ADGRF1: variants seen among roughly 807,000 people sequenced by gnomAD.
ADGRF1 encodes G protein-coupled receptor 110.
A neutral mutation model predicts 87.2 loss-of-function variants in ADGRF1; 85 were observed. That is an observed-to-expected ratio of 0.97 (90% confidence interval 0.82 to 1.17). The LOEUF (loss-of-function observed/expected upper bound fraction) is 1.17, where lower values mean the gene tolerates loss of function less well. Among genes scored for constraint, ADGRF1 ranks in the 50% most tolerant of loss-of-function variants. The pLI, the probability that ADGRF1 is intolerant of heterozygous loss-of-function variation, is 0.00. For missense variants in ADGRF1, 1,169 were observed against 1,077.2 expected (o/e 1.09, Z -1.19); for synonymous variants, 430 against 408.8 (o/e 1.05, Z -0.63).
chr6:47,017,068 G>A (rs1779905068), intron 7 of ADGRF1: 1 of 158,932 alleles, frequency 6.3e-6, no homozygotes, highest in Admixed American at 6.5e-5. Context: ...GCTGAGGCCT[G>A]AGGCCAGCTA....
intron 7 of ADGRF1, 116 bp downstream of exon 7, chr6:47,020,615 A>G (rs1018132923): frequency 1.3e-5 from 20 of 1,552,628 alleles, no homozygotes; most frequent in South Asian, 6.0e-5. Context: ...AAATCCTACT[A>G]TAAAGATGAC....
At chr6:47,033,051 G>T (rs1780478336) in intron 1 of ADGRF1, among the ~76,000 whole-genome samples, 1 of 152,186 alleles carries the variant, frequency 6.6e-6, no homozygotes, top group Non-Finnish European at 1.5e-5. Context: ...GAATGGTCCT[G>T]ATTATTTAGA....
chr6:47,030,673 T>C (rs1292994007), intron 1 of ADGRF1, among the ~76,000 whole-genome samples: 2 of 151,950 alleles, frequency 1.3e-5, no homozygotes, highest in African/African-American at 4.8e-5. Flanking sequence ...AATTGCTATA[T>C]TCTACTAAAC....
intron 1 of ADGRF1, among the ~76,000 whole-genome samples, chr6:47,033,621 T>C (rs1314892076): frequency 2.0e-5 from 3 of 152,268 alleles, no homozygotes; most frequent in Admixed American, 1.3e-4. Context: ...CACACACACA[T>C]TGATGAAAAG....
chr6:47,028,957 A>G lies in ADGRF1; in HGVS notation c.69+36T>C, dbSNP rs375724918. 9.8e-6 allele frequency: 15 copies of G among 1,527,654 alleles called. No homozygotes were observed. In the Admixed American group the frequency reaches 2.2e-4, roughly 22 times the overall value. 94.6% of individuals were successfully genotyped at this position (1,527,654 alleles called of 1,614,324 possible). A position where few individuals can be genotyped will look rare whatever the true frequency, so the allele number is the denominator to read the frequency against. ...AGTGCCGGAACGAGAGAGGAGAGTT[A>G]GTTGAGAAGAGATATGAGACATAGC... On this transcript the variant is annotated intron_variant, in intron 2 of 14. Transcript: ENST00000371253.
Position 46,997,848 on chromosome 6 carries a change from T to A in ADGRF1, c.*2374A>T, listed in dbSNP as rs1360899810. The A allele has an allele frequency of 6.6e-6, 1 of 152,200 alleles. No individual in the cohort carries two copies. Among genetic ancestry groups the A allele is most frequent in the Non-Finnish European group, 1.5e-5 (1 of 68,028 alleles). The allele number at this position is 152,200 out of a possible 1,614,324, so 9.4% of individuals were successfully genotyped here. The stretch of plus-strand genomic sequence containing the variant: ...CTCTCATCATCCTCATAAAATTTAT[T>A]CAGTGGGAGAAGCTTTTTCTTCCAT... On this transcript the variant is annotated 3_prime_UTR_variant, in exon 15 of 15. Transcript: ENST00000371253.
chr6:47,009,318 C>A lies in ADGRF1; in HGVS notation c.2117G>T (p.Gly706Val). The part of the protein sequence containing the change: ...HLMMAVGFCL[G>V]YGCPLIISVI... ...AGATATAATGAGAGGGCACCCATAA[C>A]CCAGGCAAAATCCAACAGCCATCAT... Residue 706 changes from glycine to valine, a missense_variant, in exon 11 of 15, where the codon GGT becomes GTT. Transcript: ENST00000371253. 6.2e-7 allele frequency: 1 copy of A among 1,614,126 alleles called. No homozygotes were observed. The highest frequency in any genetic ancestry group is 1.1e-5 in the South Asian group (1 of 91,080).
chr6:47,019,194 A>T (rs994759952), intron 7 of ADGRF1: 14 of 706,370 alleles, frequency 2.0e-5, no homozygotes, highest in Middle Eastern at 7.2e-4. Context: ...GATAGAATAT[A>T]AATTAGAAGT....
At chr6:47,028,658 T>A (rs1582182707) in intron 2 of ADGRF1, among the ~76,000 whole-genome samples, 1 of 152,042 alleles carries the variant, frequency 6.6e-6, no homozygotes, top group Non-Finnish European at 1.5e-5. Flanking sequence ...GGAAAGACAG[T>A]GTCTAAGGAT....
At chr6:47,033,892 T>C (rs1428060313) in intron 1 of ADGRF1, among the ~76,000 whole-genome samples, 1 of 152,220 alleles carries the variant, frequency 6.6e-6, no homozygotes, top group Non-Finnish European at 1.5e-5. Flanking sequence ...CTTCCATCTT[T>C]GGAAAAATGG....
intron 5 of ADGRF1, among the ~76,000 whole-genome samples, chr6:47,023,733 C>T (rs1431326967): frequency 6.6e-6 from 1 of 152,146 alleles, no homozygotes; most frequent in Non-Finnish European, 1.5e-5. Context: ...ACAAATGTTG[C>T]TTACTCAAGC....
At position 47,010,102 on chromosome 6, in the gene ADGRF1, A is replaced by T; in HGVS notation, c.1333T>A (p.Tyr445Asn). The T allele has an allele frequency of 6.2e-7, 1 of 1,614,160 alleles. No individual in the cohort carries two copies. Among genetic ancestry groups the T allele is most frequent in the Non-Finnish European group, 8.5e-7 (1 of 1,180,018 alleles). ...PVNKSQLKRG[Y>N]SYQIKMCPQN... ...GGACACATTTTAATCTGATAGCTGT[A>T]ACCCCTTTTGAGTTGGCTTTTGTTC... The change falls in exon 11 of 15, where the codon TAC (tyrosine) becomes AAC (asparagine). Residue 445 changes from tyrosine (Y) to asparagine (N), a missense_variant. Tyr to Asn is a moderately radical substitution (Grantham distance 143). Transcript: ENST00000371253.
At chr6:47,041,140 A>G (rs1347926886) in intron 1 of ADGRF1, among the ~76,000 whole-genome samples, 1 of 152,200 alleles carries the variant, frequency 6.6e-6, no homozygotes, top group African/African-American at 2.4e-5. Flanking sequence ...TAATTTGCTC[A>G]ATGTTTTACT....
chr6:47,005,964 T>C, intron 12 of ADGRF1, 88 bp from the exon 13 acceptor site: 2 of 751,576 alleles, frequency 2.7e-6, no homozygotes, highest in Admixed American at 2.7e-5. Context: ...AAATGGTTAT[T>C]TAATAGTATT....
At chr6:47,007,523 G>C (rs1779567051) in intron 11 of ADGRF1, among the ~76,000 whole-genome samples, 1 of 152,190 alleles carries the variant, frequency 6.6e-6, no homozygotes, top group Non-Finnish European at 1.5e-5. Context: ...ATAAGCAAAT[G>C]ACCAAGCGAA....
chr6:47,034,718 G>A (rs768019351), intron 1 of ADGRF1, among the ~76,000 whole-genome samples: 3 of 152,124 alleles, frequency 2.0e-5, no homozygotes, highest in African/African-American at 4.8e-5. Flanking sequence ...TCTGGTTACC[G>A]AGAATCTCTG....
chr6:47,012,991 C>A (rs1370641418), intron 9 of ADGRF1: 2 of 825,492 alleles, frequency 2.4e-6, no homozygotes, highest in Non-Finnish European at 2.9e-6. Flanking sequence ...CCAGGCTGGT[C>A]TTGAACTCTT....
chr6:47,003,610 A>C (rs1454476053), intron 13 of ADGRF1, among the ~76,000 whole-genome samples: 1 of 152,180 alleles, frequency 6.6e-6, no homozygotes, highest in Non-Finnish European at 1.5e-5. Context: ...ATAATAACTT[A>C]ACTCTTTCAA....
Position 47,029,103 on chromosome 6 carries a change from G to A in ADGRF1, c.-42C>T, listed in dbSNP as rs1399459810. The stretch of plus-strand genomic sequence containing the variant: ...AGCAGCAGTCGGGTGCATAGTCTGT[G>A]ACTAAACAAGCAGGGTACCAGGTAA... On this transcript the variant is annotated splice_region_variant and 5_prime_UTR_variant, in exon 2 of 15. Transcript: ENST00000371253. 3 of 1,513,658 alleles carry A rather than the reference G, an allele frequency of 2.0e-6. No homozygotes were observed. The highest frequency in any genetic ancestry group is 2.2e-5 in the South Asian group (2 of 88,924). 93.8% of individuals were successfully genotyped at this position (1,513,658 alleles called of 1,614,324 possible). A position where few individuals can be genotyped will look rare whatever the true frequency, so the allele number is the denominator to read the frequency against.
Sources: gnomAD v4.1 joint callset for allele counts (sites outside exome capture counted in the v4.1 genomes callset) on GRCh38, gnomAD v4.1.1 for gene constraint, MANE v1.5 for transcripts, NCBI Gene and HGNC (gene_info 2026-07-23, HGNC 2026-07-21) for gene names.